Variants in MAPKAP1 observed in about 807,000 individuals in gnomAD.
MAPKAP1 encodes target of rapamycin complex 2 subunit MAPKAP1.
In MAPKAP1, 20 loss-of-function variants were observed where a neutral mutation model predicts 65.7. The ratio of observed to expected loss-of-function variants is 0.30; its 90% CI spans 0.21 to 0.44. The LOEUF is 0.44. Ranked by LOEUF, MAPKAP1 falls within the 20% of genes least tolerant of loss-of-function variation. The pLI is 1.00. For synonymous variants in MAPKAP1, 222 were observed against 244.3 expected (o/e 0.91, Z 0.85); for missense variants, 423 against 648.0 (o/e 0.65, Z 3.77).
intron 4 of MAPKAP1, chr9:125,596,289 G>A (rs1832123293): frequency 2.6e-6 from 2 of 760,300 alleles, no homozygotes; most frequent in African/African-American, 1.7e-5. Context: ...TCGTGAAGGT[G>A]ACTTCGGTAG....
chr9:125,462,262 C>T (rs965225331), intron 10 of MAPKAP1, among the ~76,000 whole-genome samples: 1 of 152,180 alleles, frequency 6.6e-6, no homozygotes, highest in Non-Finnish European at 1.5e-5. Context: ...CCACAGTCTC[C>T]CTGCTCTCCT....
At chr9:125,608,886 A>AAG (rs1311602490) in intron 4 of MAPKAP1, among the ~76,000 whole-genome samples, 4 of 152,232 alleles carry the variant, frequency 2.6e-5, no homozygotes, top group African/African-American at 9.6e-5. Flanking sequence ...GATGATGAAT[A>AAG]AGACATACTT....
chr9:125,585,793 A>T, intron 4 of MAPKAP1, 66 bp from the exon 5 acceptor site: 2 of 1,499,484 alleles, frequency 1.3e-6, no homozygotes, highest in South Asian at 2.4e-5. Flanking sequence ...ACTGCTCTCC[A>T]GGCCTGTGGG....
intron 8 of MAPKAP1, 133 bp from the exon 9 acceptor site, chr9:125,484,716 TTAA>T (rs1854437031): frequency 1.3e-6 from 1 of 779,286 alleles, no homozygotes; most frequent in Non-Finnish European, 1.9e-6. Flanking sequence ...GAGCGATGAC[TTAA>T]TAATGCCATT....
chr9:125,672,847 A>C lies in MAPKAP1; in HGVS notation c.-69-204T>G, dbSNP rs13284832. Among the ~76,000 whole-genome samples the C allele has an allele frequency of 0.32, 48,413 of 152,104 alleles. 9,011 individuals are homozygous for C. Among genetic ancestry groups the C allele is most frequent in the Middle Eastern group, 0.44 (129 of 294 alleles). ...TGCAGCTCTAGTCAATGAGATCTCT[A>C]TAGAATCAGAAAGGAAGGCTTGCAC... On this transcript the variant is annotated intron_variant, in intron 1 of 11. Transcript: ENST00000265960.
rs1468053911 is a variant in MAPKAP1, at chr9:125,686,022, CAATT to C, written c.-69-13383_-69-13380del. Among the ~76,000 whole-genome samples the C allele has an allele frequency of 3.3e-5, 5 of 152,080 alleles. No individual in the cohort carries two copies. In the East Asian group the frequency reaches 9.6e-4, roughly 29 times the overall value. On this transcript the variant is annotated intron_variant, in intron 1 of 11. Coordinates refer to ENST00000265960, the MANE Select transcript of MAPKAP1 (RefSeq NM_001006617.3). Reference sequence around the variant, plus strand: ...CCTGGTCTTCAGGGTAACCACATATCAATTAAGAAAAGCGGCCAGTGCAGTGGCT... The same window carrying C: ...CCTGGTCTTCAGGGTAACCACATATCAAGAAAAGCGGCCAGTGCAGTGGCT...
chr9:125,611,477 AAGAAG>A (rs1474778102), intron 4 of MAPKAP1, among the ~76,000 whole-genome samples: 3 of 152,214 alleles, frequency 2.0e-5, no homozygotes, highest in African/African-American at 4.8e-5. Flanking sequence ...AGAGTTTCAG[AAGAAG>A]AGAAAAGAAT....
intron 8 of MAPKAP1, among the ~76,000 whole-genome samples, chr9:125,496,065 G>A (rs1467547239): frequency 2.0e-5 from 3 of 152,174 alleles, no homozygotes; most frequent in Admixed American, 6.5e-5. Flanking sequence ...GCCTCACAAC[G>A]CTTTACAGGG....
chr9:125,693,426 A>AT (rs34546563), intron 1 of MAPKAP1, among the ~76,000 whole-genome samples: 32,581 of 129,614 alleles, frequency 0.25, 4,338 homozygotes, highest in Middle Eastern at 0.34. Flanking sequence ...AAAAAAAAAA[A>AT]ATATATATAT....
chr9:125,587,104 C>T (rs1032866036), intron 4 of MAPKAP1, among the ~76,000 whole-genome samples: 3 of 152,136 alleles, frequency 2.0e-5, no homozygotes, highest in African/African-American at 7.2e-5. Context: ...ATAAATATAT[C>T]AATTCAAAAT....
intron 1 of MAPKAP1, among the ~76,000 whole-genome samples, chr9:125,691,415 G>C (rs1835166712): frequency 6.6e-6 from 1 of 152,176 alleles, no homozygotes; most frequent in African/African-American, 2.4e-5. Flanking sequence ...AGGTAGTGGG[G>C]AGATGAGGAG....
chr9:125,596,431 G>C, intron 4 of MAPKAP1: 1 of 787,070 alleles, frequency 1.3e-6, no homozygotes, highest in East Asian at 2.4e-5. Flanking sequence ...AATTTTGGAG[G>C]GTGGTGGAAG....
intron 4 of MAPKAP1, among the ~76,000 whole-genome samples, chr9:125,644,093 GGTTAA>G (rs1335658156): frequency 6.6e-6 from 1 of 152,142 alleles, no homozygotes; most frequent in Non-Finnish European, 1.5e-5. Context: ...CCCCAAAAGA[GGTTAA>G]GAGGGGAATG....
intron 1 of MAPKAP1, among the ~76,000 whole-genome samples, chr9:125,681,948 A>G (rs1025361535): frequency 1.2e-4 from 18 of 152,106 alleles, no homozygotes; most frequent in Non-Finnish European, 2.4e-4. Flanking sequence ...TTTTGTAGAG[A>G]CAAGAGTCTT....
intron 6 of MAPKAP1, among the ~76,000 whole-genome samples, chr9:125,556,598 TTC>T (rs1830742063): frequency 6.6e-6 from 1 of 152,220 alleles, no homozygotes; most frequent in South Asian, 2.1e-4. Flanking sequence ...ACTTGCCTCT[TTC>T]TGTTTCAGCT....
chr9:125,557,359 T>C (rs148935296), intron 6 of MAPKAP1, among the ~76,000 whole-genome samples: 1 of 152,134 alleles, frequency 6.6e-6, no homozygotes, highest in Non-Finnish European at 1.5e-5. Context: ...ATATTAATAA[T>C]CAATAAAAAT....
At chr9:125,633,566 G>A (rs1442534223) in intron 4 of MAPKAP1, among the ~76,000 whole-genome samples, 5 of 152,050 alleles carry the variant, frequency 3.3e-5, no homozygotes, top group Non-Finnish European at 1.5e-5. Flanking sequence ...ATGTGTAATG[G>A]GCAATTTTGA....
chr9:125,663,199 T>C (rs1834238919), intron 3 of MAPKAP1, among the ~76,000 whole-genome samples: 1 of 152,224 alleles, frequency 6.6e-6, no homozygotes, highest in South Asian at 2.1e-4. Context: ...ACTACTGACT[T>C]CTCTGATCCC....
intron 1 of MAPKAP1, among the ~76,000 whole-genome samples, chr9:125,686,501 T>C (rs1834982992): frequency 6.6e-6 from 1 of 152,200 alleles, no homozygotes; most frequent in African/African-American, 2.4e-5. Flanking sequence ...ATGGCTGAAC[T>C]ATATGAAGGG....
Sources: allele counts gnomAD v4.1 joint callset (sites outside exome capture counted in the v4.1 genomes callset), GRCh38; gene constraint gnomAD v4.1.1; transcripts MANE v1.5; gene names NCBI Gene and HGNC (gene_info 2026-07-23, HGNC 2026-07-21).